The following CCDC85C variants were observed in gnomAD, a reference collection of about 807,000 sequenced individuals.
CCDC85C encodes coiled-coil domain containing 85C.
A neutral mutation model predicts 38.3 loss-of-function variants in CCDC85C; 18 were observed. The observed-to-expected ratio is 0.47, with a 90% CI of 0.33 to 0.70. The LOEUF is 0.70. Among genes scored for constraint, CCDC85C ranks in the 30% least tolerant of loss-of-function variants. CCDC85C has a pLI of 0.03. For synonymous variants in CCDC85C, 264 were observed against 293.8 expected (o/e 0.90, Z 1.04); for missense variants, 566 against 621.2 (o/e 0.91, Z 0.94).
At chr14:99,528,676 G>A (rs924898802) in intron 2 of CCDC85C, among the ~76,000 whole-genome samples, 2 of 152,264 alleles carry the variant, frequency 1.3e-5, no homozygotes, top group African/African-American at 4.8e-5. Context: ...GGTGGGGGAT[G>A]CACGCCCTAT....
In CCDC85C at chr14:99,503,062, A is replaced by G. The variant is rs1896877044; in HGVS notation, c.*12184T>C. 1 of 1,484,896 alleles carries G rather than the reference A, an allele frequency of 6.7e-7. No individual in the cohort carries two copies. The allele number at this position is 1,484,896 out of a possible 1,614,324, so 92.0% of individuals were successfully genotyped here. A position where few individuals can be genotyped will look rare whatever the true frequency, so the allele number is the denominator to read the frequency against. On this transcript the variant is annotated 3_prime_UTR_variant, in exon 6 of 6. Transcript: ENST00000380243. ...ACACCTGAGCACTGTTCCCATTTCTAAGCGAGCACAGGGAACACCGGAAGC... is the reference window on the plus strand; with the variant it reads ...ACACCTGAGCACTGTTCCCATTTCTGAGCGAGCACAGGGAACACCGGAAGC...
chr14:99,526,741 G>C (rs111947690), intron 2 of CCDC85C, among the ~76,000 whole-genome samples: 6,068 of 152,286 alleles, frequency 0.04, 399 homozygotes, highest in African/African-American at 0.14. Flanking sequence ...AGTAATAAAC[G>C]CAGGGCCTCA....
intron 1 of CCDC85C, among the ~76,000 whole-genome samples, chr14:99,574,535 G>A (rs533407967): frequency 9.9e-4 from 151 of 152,268 alleles, no homozygotes; most frequent in African/African-American, 3.6e-3. Context: ...CTTGGGCAGG[G>A]AGGCAATAAA....
chr14:99,522,058 C>T (rs954580242), intron 3 of CCDC85C, 75 bp downstream of exon 3: 16 of 1,152,680 alleles, frequency 1.4e-5, no homozygotes, highest in African/African-American at 4.6e-5. Flanking sequence ...TGTGCCCCTC[C>T]GGGCAGGTCA....
chr14:99,596,086 T>C (rs1031354672), intron 1 of CCDC85C, among the ~76,000 whole-genome samples: 1 of 152,236 alleles, frequency 6.6e-6, no homozygotes, highest in African/African-American at 2.4e-5. Context: ...GGTGGGCCCC[T>C]GTCTTTCTCA....
rs1396139025 is a variant in CCDC85C at position 99,500,221 on chromosome 14, A to G, written c.*15025T>C. On this transcript the variant is annotated 3_prime_UTR_variant, in exon 6 of 6. Coordinates refer to ENST00000380243, the MANE Select transcript of CCDC85C (RefSeq NM_001144995.2). ...TGGGATGATTTATTTCAAATAAATG[A>G]AAGATTTAAACACAAAATTGATTTG... 6.6e-6 allele frequency: 1 copy of G among 152,370 alleles called. No homozygotes were observed. Among genetic ancestry groups the G allele is most frequent in the Non-Finnish European group, 1.5e-5 (1 of 68,164 alleles). The allele number at this position is 152,370 out of a possible 1,614,324, so 9.4% of individuals were successfully genotyped here.
At position 99,508,923 on chromosome 14, in the gene CCDC85C, C is replaced by T. The variant is rs1897042923; in HGVS notation, c.*6323G>A. The T allele has an allele frequency of 6.6e-6, 1 of 152,242 alleles. No homozygotes were observed. The highest frequency in any genetic ancestry group is 2.4e-5 in the African/African-American group (1 of 41,446). The allele number at this position is 152,242 out of a possible 1,614,324, so 9.4% of individuals were successfully genotyped here. On this transcript the variant is annotated 3_prime_UTR_variant, in exon 6 of 6. Transcript: ENST00000380243. ...TTCTGCACCTCTTTTTTAGTCAGCT[C>T]CTAGAACCACAGGGCATCTGGCCCT...
Position 99,516,954 on chromosome 14 carries a change from G to C in CCDC85C, c.1071+134C>G. ...ACCTCACAGTGCTCCAGGCAGCCAT[G>C]GTCACCCAGCCACCCACACACAGAT... On this transcript the variant is annotated intron_variant, in intron 4 of 5. Coordinates refer to ENST00000380243, the MANE Select transcript of CCDC85C (RefSeq NM_001144995.2). The surrounding 1 kb of genome is among the most constrained non-coding windows in gnomAD (Gnocchi z 5.5). The C allele has an allele frequency of 1.2e-6, 1 of 811,450 alleles. No individual in the cohort carries two copies. The highest frequency in any genetic ancestry group is 2.1e-5 in the Admixed American group (1 of 48,530). 50.3% of individuals were successfully genotyped at this position (811,450 alleles called of 1,614,324 possible). A position where few individuals can be genotyped will look rare whatever the true frequency, so the allele number is the denominator to read the frequency against.
chr14:99,522,493 A>AGAAT (rs1415862554), intron 2 of CCDC85C: 9 of 369,338 alleles, frequency 2.4e-5, no homozygotes, highest in African/African-American at 4.2e-5. Flanking sequence ...CTGAATAAAC[A>AGAAT]GAATGAATGA....
intron 1 of CCDC85C, among the ~76,000 whole-genome samples, chr14:99,600,465 G>A (rs12885354): frequency 0.68 from 103,400 of 152,196 alleles, 39,551 homozygotes; most frequent in South Asian, 0.88. Flanking sequence ...ATGGGAGAAA[G>A]AGGGCAAACC....
Position 99,508,247 on chromosome 14 carries a change from T to G in CCDC85C, c.*6999A>C, listed in dbSNP as rs1291794340. ...ACCCCCAATTCAATATGAACCTTAC[T>G]TAAATGCCTGTGGTTGCTCATGAAG... On this transcript the variant is annotated 3_prime_UTR_variant, in exon 6 of 6. Coordinates refer to ENST00000380243, the MANE Select transcript of CCDC85C (RefSeq NM_001144995.2). 1 of 152,272 alleles carries G rather than the reference T, an allele frequency of 6.6e-6. No homozygotes were observed. Among genetic ancestry groups the G allele is most frequent in the African/African-American group, 2.4e-5 (1 of 41,466 alleles). 9.4% of individuals were successfully genotyped at this position (152,272 alleles called of 1,614,324 possible). A position where few individuals can be genotyped will look rare whatever the true frequency, so the allele number is the denominator to read the frequency against.
At chr14:99,600,056 G>C (rs1446616837) in intron 1 of CCDC85C, among the ~76,000 whole-genome samples, 1 of 152,206 alleles carries the variant, frequency 6.6e-6, no homozygotes, top group African/African-American at 2.4e-5. Context: ...ACTGCCACCA[G>C]CTCCCCAGAA....
intron 1 of CCDC85C, chr14:99,583,039 T>C (rs1404949904): frequency 6.6e-6 from 1 of 152,226 alleles, no homozygotes; most frequent in African/African-American, 2.4e-5. Context: ...TGCAGTGGTA[T>C]TTACAACTAA....
chr14:99,515,801 A>C (rs879886424), intron 5 of CCDC85C, among the ~76,000 whole-genome samples: 1 of 152,052 alleles, frequency 6.6e-6, no homozygotes, highest in Non-Finnish European at 1.5e-5. Flanking sequence ...TCCTGCTCTG[A>C]GCACCATCTG....
At chr14:99,573,448 C>T (rs1015207879) in intron 1 of CCDC85C, among the ~76,000 whole-genome samples, 1 of 152,250 alleles carries the variant, frequency 6.6e-6, no homozygotes, top group African/African-American at 2.4e-5. Flanking sequence ...CAGCTGTCAC[C>T]CACGTGAAGG....
rs1216595452 is a variant in CCDC85C at position 99,513,371 on chromosome 14, C to G, written c.*1875G>C. 1.3e-5 allele frequency: 2 copies of G among 152,218 alleles called. No homozygotes were observed. The highest frequency in any genetic ancestry group is 2.9e-5 in the Non-Finnish European group (2 of 68,050). The allele number at this position is 152,218 out of a possible 1,614,324, so 9.4% of individuals were successfully genotyped here. ...GGCAAGAATCACTGGGTACCATGAG[C>G]AGCAGGTGTTCACCCAACTTCACGT... is the stretch of plus-strand genomic sequence containing the variant. On this transcript the variant is annotated 3_prime_UTR_variant, in exon 6 of 6. Transcript: ENST00000380243.
At chr14:99,591,075 C>G (rs1566784471) in intron 1 of CCDC85C, among the ~76,000 whole-genome samples, 1 of 152,224 alleles carries the variant, frequency 6.6e-6, no homozygotes. Context: ...GCTCAAAGCC[C>G]TAGTGACAAG....
rs1428895277 is a variant in CCDC85C, at chr14:99,603,306, G to GTGT, written c.653_654insACA (p.Asp218delinsGluHis). On this transcript the variant is annotated protein_altering_variant, in exon 1 of 6. Coordinates refer to ENST00000380243, the MANE Select transcript of CCDC85C (RefSeq NM_001144995.2). This position sits in a 1 kb window ranked among gnomAD's most constrained non-coding sequence, Gnocchi z 7.5. ...GCGGGGGTGGGACGTGGTGGTGGTG[G>GTGT]TCGGGGCTGCCGCCGCTGCCCGCGC... 7.3e-7 allele frequency: 1 copy of GTGT among 1,362,242 alleles called. No homozygotes were observed. Among genetic ancestry groups the GTGT allele is most frequent in the African/African-American group, 1.5e-5 (1 of 65,718 alleles). The allele number at this position is 1,362,242 out of a possible 1,614,324, so 84.4% of individuals were successfully genotyped here. A position where few individuals can be genotyped will look rare whatever the true frequency, so the allele number is the denominator to read the frequency against.
At chr14:99,574,911 C>T (rs779903900) in intron 1 of CCDC85C, among the ~76,000 whole-genome samples, 38 of 152,192 alleles carry the variant, frequency 2.5e-4, no homozygotes, top group Non-Finnish European at 4.0e-4. Flanking sequence ...TTCTGTGGGA[C>T]GCTGGCCATC....
Sources: allele counts gnomAD v4.1 joint callset (sites outside exome capture counted in the v4.1 genomes callset), GRCh38; gene constraint gnomAD v4.1.1; non-coding constraint Gnocchi (gnomAD v3.1); transcripts MANE v1.5; gene names NCBI Gene and HGNC (gene_info 2026-07-23, HGNC 2026-07-21).